FAM133B: variants seen among roughly 807,000 people sequenced by gnomAD.
The protein encoded by FAM133B is family with sequence similarity 133 member B, also known as protein FAM133B.
FAM133B carries 25 observed loss-of-function variants against 46.4 expected under a neutral mutation model. The observed-to-expected ratio is 0.54, with a 90% CI of 0.39 to 0.75. The LOEUF (loss-of-function observed/expected upper bound fraction) is 0.75, where lower values mean the gene tolerates loss of function less well. Ranked by LOEUF, FAM133B falls within the 30% of genes least tolerant of loss-of-function variation. The pLI is 0.00. For synonymous variants in FAM133B, 75 were observed against 86.0 expected (o/e 0.87, Z 0.71); for missense variants, 205 against 277.6 (o/e 0.74, Z 1.86).
intron 8 of FAM133B, among the ~76,000 whole-genome samples, chr7:92,573,464 C>A (rs1268169601): frequency 6.9e-6 from 1 of 144,472 alleles, no homozygotes; most frequent in Non-Finnish European, 1.5e-5. Context: ...CTTTTTTCTT[C>A]TTTTTTTTTT....
chr7:92,578,542 C>G, intron 3 of FAM133B, 149 bp from the exon 4 acceptor site: 1 of 721,158 alleles, frequency 1.4e-6, no homozygotes, highest in Non-Finnish European at 2.4e-6. Flanking sequence ...AACACAGGTG[C>G]CAATCCTTGA....
In FAM133B at chr7:92,590,257, T is replaced by G. The variant is rs1795162936; in HGVS notation, c.24+11A>C. 2 of 1,613,514 alleles carry G rather than the reference T, an allele frequency of 1.2e-6. No homozygotes were observed. Among genetic ancestry groups the G allele is most frequent in the Non-Finnish European group, 8.5e-7 (1 of 1,179,660 alleles). On this transcript the variant is annotated intron_variant, in intron 1 of 10. Transcript: ENST00000445716. ...TGCGTCGCCCCACTGTTTTCCCGGC[T>G]GAGTACTCACCACCCGATTGTCCCG... is the stretch of plus-strand genomic sequence containing the variant.
intron 7 of FAM133B, 165 bp from the exon 8 acceptor site, chr7:92,575,986 T>C (rs1794684194): frequency 2.8e-6 from 1 of 361,508 alleles, no homozygotes; most frequent in Non-Finnish European, 5.2e-6. Flanking sequence ...TATGTATACA[T>C]TTGCTTGTAA....
chr7:92,577,415 A>T (rs1794735125), intron 6 of FAM133B: 2 of 441,028 alleles, frequency 4.5e-6, no homozygotes, highest in Non-Finnish European at 7.9e-6. Context: ...TGATTTTTCA[A>T]ATATTTTCTT....
At chr7:92,582,630 CAACTT>C (rs1794922995) in intron 1 of FAM133B, among the ~76,000 whole-genome samples, 1 of 151,972 alleles carries the variant, frequency 6.6e-6, no homozygotes, top group African/African-American at 2.4e-5. Context: ...TGAGCTCCTA[CAACTT>C]AACAACAACA....
At chr7:92,568,533 T>TTA (rs1447636740) in intron 9 of FAM133B, among the ~76,000 whole-genome samples, 2 of 148,928 alleles carry the variant, frequency 1.3e-5, no homozygotes, top group African/African-American at 4.9e-5. Context: ...AATTTTTTTT[T>TTA]TTTTTTTTTT....
chr7:92,569,939 C>G, intron 8 of FAM133B, 24 bp from the exon 9 acceptor site: 1 of 1,111,324 alleles, frequency 9.0e-7, no homozygotes, highest in Non-Finnish European at 1.2e-6. Context: ...ATACATTTAT[C>G]TTGACTCAGA....
intron 9 of FAM133B, among the ~76,000 whole-genome samples, chr7:92,568,931 C>T (rs1454108422): frequency 6.6e-6 from 1 of 152,030 alleles, no homozygotes; most frequent in African/African-American, 2.4e-5. Context: ...GGACCAAGTG[C>T]CACTGTTGCA....
rs780573741 is a variant in FAM133B at position 92,566,065 on chromosome 7, G to GAA, written c.610-6_610-5dup. Reference sequence around the variant, plus strand: ...TTTTCTTCTTTTTTGCTCGCACCTAGAAAGTTTAAATTTTTGTGGAGAACA... The same window carrying GAA: ...TTTTCTTCTTTTTTGCTCGCACCTAGAAAAAGTTTAAATTTTTGTGGAGAACA... On this transcript the variant is annotated splice_region_variant and splice_polypyrimidine_tract_variant and intron_variant, in intron 9 of 10. Coordinates refer to ENST00000445716, the MANE Select transcript of FAM133B (RefSeq NM_152789.4). 2.5e-6 allele frequency: 4 copies of GAA among 1,613,242 alleles called. No homozygotes were observed. The South Asian group carries it at 4.4e-5, about 18-fold the overall frequency.
chr7:92,575,069 T>C (rs1284767705), intron 8 of FAM133B, among the ~76,000 whole-genome samples: 1 of 152,224 alleles, frequency 6.6e-6, no homozygotes, highest in Non-Finnish European at 1.5e-5. Context: ...GCTTTAACTA[T>C]ATAGGTAAGT....
chr7:92,588,652 T>A (rs567391069), intron 1 of FAM133B, among the ~76,000 whole-genome samples: 35 of 152,304 alleles, frequency 2.3e-4, no homozygotes, highest in African/African-American at 4.3e-4. Flanking sequence ...CCAAATCTCA[T>A]GTCGAATTGT....
At chr7:92,574,102 T>C (rs374442521) in intron 8 of FAM133B, among the ~76,000 whole-genome samples, 11 of 152,318 alleles carry the variant, frequency 7.2e-5, no homozygotes, top group African/African-American at 2.4e-4. Context: ...AATGAAAACA[T>C]GCATCCATAC....
intron 1 of FAM133B, among the ~76,000 whole-genome samples, chr7:92,583,407 T>C (rs1471678556): frequency 6.6e-6 from 1 of 152,226 alleles, no homozygotes; most frequent in Non-Finnish European, 1.5e-5. Flanking sequence ...ACACTATGAA[T>C]GTACTTAATG....
chr7:92,589,684 T>C (rs1795134345), intron 1 of FAM133B, among the ~76,000 whole-genome samples: 2 of 152,194 alleles, frequency 1.3e-5, no homozygotes, highest in Non-Finnish European at 2.9e-5. Context: ...ACAGTGTCTA[T>C]GGGGGCCAGG....
At chr7:92,585,586 C>T (rs1795016134) in intron 1 of FAM133B, among the ~76,000 whole-genome samples, 2 of 152,150 alleles carry the variant, frequency 1.3e-5, no homozygotes, top group Non-Finnish European at 2.9e-5. Context: ...TACGTAGCTA[C>T]TAAAATGAAT....
At chr7:92,588,613 G>A (rs770258212) in intron 1 of FAM133B, among the ~76,000 whole-genome samples, 3 of 152,188 alleles carry the variant, frequency 2.0e-5, no homozygotes, top group Non-Finnish European at 2.9e-5. Context: ...TTTTTAAGAT[G>A]GTGAAATGGT....
In FAM133B at chr7:92,577,202, A is replaced by C; in HGVS notation, c.373-7T>G. 6.9e-7 allele frequency: 1 copy of C among 1,453,714 alleles called. No homozygotes were observed. The highest frequency in any genetic ancestry group is 9.1e-7 in the Non-Finnish European group (1 of 1,096,814). 90.1% of individuals were successfully genotyped at this position (1,453,714 alleles called of 1,614,324 possible). A position where few individuals can be genotyped will look rare whatever the true frequency, so the allele number is the denominator to read the frequency against. ...GTTTTCCTTGTTTCTTATCCTACATAAAATATTTTTAGAAACATTTGCTTT... is the reference window on the plus strand; with the variant it reads ...GTTTTCCTTGTTTCTTATCCTACATCAAATATTTTTAGAAACATTTGCTTT... On this transcript the variant is annotated splice_region_variant and splice_polypyrimidine_tract_variant and intron_variant, in intron 6 of 10. Coordinates refer to ENST00000445716, the MANE Select transcript of FAM133B (RefSeq NM_152789.4).
intron 7 of FAM133B, among the ~76,000 whole-genome samples, chr7:92,576,662 C>G (rs1464269541): frequency 6.6e-6 from 1 of 152,220 alleles, no homozygotes; most frequent in Non-Finnish European, 1.5e-5. Context: ...CCGAGAACTT[C>G]TTAACTTTTT....
intron 1 of FAM133B, among the ~76,000 whole-genome samples, chr7:92,584,994 CA>C (rs1407185409): frequency 3.9e-5 from 6 of 152,104 alleles, no homozygotes; most frequent in African/African-American, 1.4e-4. Flanking sequence ...CAAAACAAAA[CA>C]AAACAAAACA....
Sources: gnomAD v4.1 joint callset for allele counts (sites outside exome capture counted in the v4.1 genomes callset) on GRCh38, gnomAD v4.1.1 for gene constraint, MANE v1.5 for transcripts, NCBI Gene and HGNC (gene_info 2026-07-23, HGNC 2026-07-21) for gene names.